DCDC2: variants seen among roughly 807,000 people sequenced by gnomAD.
DCDC2 encodes doublecortin domain-containing protein 2.
In DCDC2, 40 loss-of-function variants were observed where a neutral mutation model predicts 50.2. That is an observed-to-expected ratio of 0.80 (90% CI 0.62 to 1.04). DCDC2 has a LOEUF of 1.04. Ranked by LOEUF, DCDC2 falls within the 50% of genes least tolerant of loss-of-function variation. The probability of loss-of-function intolerance (pLI) is 0.00; values close to 1 mark genes in which losing one functional copy is unlikely to be tolerated. For missense variants in DCDC2, 570 were observed against 581.9 expected (o/e 0.98, Z 0.21); for synonymous variants, 234 against 210.6 (o/e 1.11, Z -0.96).
At chr6:24,187,217 G>C (rs1225508506) in intron 8 of DCDC2, among the ~76,000 whole-genome samples, 1 of 152,172 alleles carries the variant, frequency 6.6e-6, no homozygotes, top group Non-Finnish European at 1.5e-5. Flanking sequence ...AAGAGGGATG[G>C]CTGGATGTGG....
intron 2 of DCDC2, among the ~76,000 whole-genome samples, chr6:24,322,413 C>T (rs1355147879): frequency 3.3e-5 from 5 of 151,982 alleles, no homozygotes; most frequent in Non-Finnish European, 5.9e-5. Flanking sequence ...CCTTGCCATA[C>T]CTTGAAATTG....
At chr6:24,250,616 A>G (rs1762777359) in intron 7 of DCDC2, among the ~76,000 whole-genome samples, 1 of 152,216 alleles carries the variant, frequency 6.6e-6, no homozygotes, top group Non-Finnish European at 1.5e-5. Context: ...ATGCACAAAT[A>G]TATTTATAAA....
chr6:24,280,908 G>C (rs1763455423), intron 6 of DCDC2, among the ~76,000 whole-genome samples: 1 of 152,134 alleles, frequency 6.6e-6, no homozygotes, highest in Non-Finnish European at 1.5e-5. Flanking sequence ...AAGCTTACTA[G>C]AATGTTCTGA....
intron 7 of DCDC2, among the ~76,000 whole-genome samples, chr6:24,222,295 A>G (rs1477129410): frequency 5.3e-5 from 8 of 152,160 alleles, no homozygotes; most frequent in African/African-American, 1.9e-4. Flanking sequence ...AAAAAGCTTC[A>G]TGTTTTTTGC....
intron 2 of DCDC2, among the ~76,000 whole-genome samples, chr6:24,332,294 A>C (rs1434353620): frequency 6.6e-6 from 1 of 152,160 alleles, no homozygotes; most frequent in East Asian, 1.9e-4. Flanking sequence ...ATGCTGCGTG[A>C]TGTCCAAGCA....
intron 8 of DCDC2, among the ~76,000 whole-genome samples, chr6:24,179,399 T>A (rs1308448919): frequency 2.0e-5 from 3 of 148,910 alleles, no homozygotes; most frequent in African/African-American, 7.4e-5. Context: ...TACAAAAAAA[T>A]TAGCTGGGCA....
In DCDC2 at chr6:24,351,325, C is replaced by T. The variant is rs116148006; in HGVS notation, c.348+2244G>A. On this transcript the variant is annotated intron_variant, in intron 2 of 9. Transcript: ENST00000378454. ...GAGGGAAGTGAACACACTGCTTGTC[C>T]AGACCTGGAGGAAACTTTAGGACAG... Among the ~76,000 whole-genome samples the T allele has an allele frequency of 4.7e-3, 719 of 152,242 alleles. 3 individuals carry two copies. Among genetic ancestry groups the T allele is most frequent in the African/African-American group, 0.016 (680 of 41,538 alleles).
rs765049489 is a variant in DCDC2 at position 24,173,354 on chromosome 6, G to A, written c.*1376C>T. ...TTTATTCCAAATGAAACCTGGAAGA[G>A]AAAAAATGTTTTAAACTTGTAATTG... On this transcript the variant is annotated 3_prime_UTR_variant, in exon 10 of 10. Coordinates refer to ENST00000378454, the MANE Select transcript of DCDC2 (RefSeq NM_016356.5). The A allele has an allele frequency of 1.7e-4, 26 of 151,980 alleles. No individual in the cohort carries two copies. Among genetic ancestry groups the A allele is most frequent in the Non-Finnish European group, 2.4e-4 (16 of 67,958 alleles). 9.4% of individuals were successfully genotyped at this position (151,980 alleles called of 1,614,324 possible).
the DCDC2 span, among the ~76,000 whole-genome samples, chr6:24,365,966 C>T: frequency 5.3e-5 from 8 of 151,730 alleles, no homozygotes; most frequent in African/African-American, 9.7e-5. Flanking sequence ...GACAGGTGCA[C>T]GCCACCAAGC....
At chr6:24,364,409 A>T in the DCDC2 span, among the ~76,000 whole-genome samples, 1 of 152,188 alleles carries the variant, frequency 6.6e-6, no homozygotes, top group Admixed American at 6.5e-5. Context: ...AGTAGGTAGG[A>T]CTACAGGTAC....
In DCDC2 at chr6:24,357,942, A is replaced by G. The variant is rs375795707; in HGVS notation, c.-192T>C. 3,032 of 1,508,712 alleles carry G rather than the reference A, an allele frequency of 2.0e-3. 2 individuals carry two copies. The highest frequency in any genetic ancestry group is 2.5e-3 in the Non-Finnish European group (2,827 of 1,129,492). The allele number at this position is 1,508,712 out of a possible 1,614,324, so 93.5% of individuals were successfully genotyped here. ...CCCAGAGGAGACACTAGGAGCTTGC[A>G]GGACTCGGAGTAGACGCTCAAGTTT... On this transcript the variant is annotated 5_prime_UTR_variant, in exon 1 of 10. Coordinates refer to ENST00000378454, the MANE Select transcript of DCDC2 (RefSeq NM_016356.5).
intron 2 of DCDC2, among the ~76,000 whole-genome samples, chr6:24,340,630 T>G (rs1045455819): frequency 1.3e-5 from 2 of 152,208 alleles, no homozygotes; most frequent in African/African-American, 4.8e-5. Context: ...ATCCACTCGT[T>G]TCTAAGAAAA....
intron 7 of DCDC2, among the ~76,000 whole-genome samples, chr6:24,228,829 G>A (rs73394027): frequency 0.034 from 5,233 of 152,190 alleles, 276 homozygotes; most frequent in African/African-American, 0.12. Flanking sequence ...CAAAGAGGAT[G>A]TGACTCAGAG....
the DCDC2 span, among the ~76,000 whole-genome samples, chr6:24,370,441 C>T: frequency 2.6e-5 from 4 of 152,220 alleles, no homozygotes; most frequent in African/African-American, 7.2e-5. Context: ...GGCACAGTGG[C>T]TCATGCCTGT....
chr6:24,187,553 TGAGTA>T (rs1452661879), intron 8 of DCDC2, among the ~76,000 whole-genome samples: 1 of 152,222 alleles, frequency 6.6e-6, no homozygotes, highest in Non-Finnish European at 1.5e-5. Flanking sequence ...AAATTGCTAT[TGAGTA>T]GATACCCCCA....
At chr6:24,196,503 C>T (rs1442239078) in intron 8 of DCDC2, among the ~76,000 whole-genome samples, 1 of 152,184 alleles carries the variant, frequency 6.6e-6, no homozygotes, top group Non-Finnish European at 1.5e-5. Context: ...TCACTGCAAC[C>T]TCCGCCTCCC....
intron 4 of DCDC2, among the ~76,000 whole-genome samples, chr6:24,298,227 G>T (rs985262015): frequency 2.4e-4 from 37 of 152,332 alleles, no homozygotes; most frequent in African/African-American, 8.9e-4. Flanking sequence ...ATCTGACAGG[G>T]GGTGGAGTGC....
At chr6:24,322,094 C>T (rs1216357651) in intron 2 of DCDC2, among the ~76,000 whole-genome samples, 1 of 152,110 alleles carries the variant, frequency 6.6e-6, no homozygotes, top group Non-Finnish European at 1.5e-5. Context: ...TTCTCTACTA[C>T]CTTTTGTGGA....
At chr6:24,340,285 A>G (rs1028640893) in intron 2 of DCDC2, among the ~76,000 whole-genome samples, 3 of 152,166 alleles carry the variant, frequency 2.0e-5, no homozygotes, top group Non-Finnish European at 4.4e-5. Context: ...TGGTAGCCTA[A>G]TAGGTGAGGA....
Sources: allele counts gnomAD v4.1 joint callset (sites outside exome capture counted in the v4.1 genomes callset), GRCh38; gene constraint gnomAD v4.1.1; transcripts MANE v1.5; gene names NCBI Gene and HGNC (gene_info 2026-07-23, HGNC 2026-07-21).